The following ZNF469 variants were observed in gnomAD, a reference collection of about 807,000 sequenced individuals.
ZNF469 encodes the protein zinc finger protein 469.
In ZNF469, 1 loss-of-function variant was observed where a neutral mutation model predicts 1.0. That is an observed-to-expected ratio of 1.00 (90% CI 0.35 to 4.73). ZNF469 has a LOEUF of 4.73. Among genes scored for constraint, ZNF469 ranks in the 30% most tolerant of loss-of-function variants. The pLI is 0.16. For missense variants in ZNF469, 6,100 were observed against 5,356.3 expected (o/e 1.14, Z -4.33); for synonymous variants, 2,703 against 2,363.4 (o/e 1.14, Z -4.17).
chr16:88,332,720 G>C, the ZNF469 span, among the ~76,000 whole-genome samples: 15 of 152,174 alleles, frequency 9.9e-5, no homozygotes, highest in African/African-American at 3.6e-4. Flanking sequence ...GATGGGGGAG[G>C]GGGGGCTGCT....
At chr16:88,380,200 C>A (rs1035091039), upstream of ZNF469, among the ~76,000 whole-genome samples, 1 of 151,310 alleles carries the variant, frequency 6.6e-6, no homozygotes, top group Non-Finnish European at 1.5e-5. Context: ...CACACACAGA[C>A]ATGCACTCAC....
chr16:88,352,790 T>C, the ZNF469 span, among the ~76,000 whole-genome samples: 1 of 152,192 alleles, frequency 6.6e-6, no homozygotes, highest in Non-Finnish European at 1.5e-5. Context: ...CAGGGAGATG[T>C]GGGCATATGG....
At chr16:88,152,997 G>C in the ZNF469 span, among the ~76,000 whole-genome samples, 1 of 152,190 alleles carries the variant, frequency 6.6e-6, no homozygotes. This position sits in a 1 kb window ranked among gnomAD's most constrained non-coding sequence, Gnocchi z 4.2. Flanking sequence ...CCGTGGCTCC[G>C]GCTGGCGTCT....
At position 88,437,237 on chromosome 16, in the gene ZNF469, G is replaced by C; in HGVS notation, c.9767G>C (p.Trp3256Ser). The change falls in exon 3 of 3, where the codon TGG (tryptophan) becomes TCG (serine). Residue 3256 changes from tryptophan to serine, a missense_variant. Transcript: ENST00000565624. ...GCCGCCGGGAGCCCGGGAGACCCGTGGGGGCAAGAGGGAGAAGCCAAGAAA... is the reference window on the plus strand; with the variant it reads ...GCCGCCGGGAGCCCGGGAGACCCGTCGGGGCAAGAGGGAGAAGCCAAGAAA... ...GKAAGSPGDP[W>S]GQEGEAKKDS... The C allele has an allele frequency of 6.5e-7, 1 of 1,549,116 alleles. No homozygotes were observed.
At chr16:88,422,968 G>T (rs1242871389) in intron 1 of ZNF469, among the ~76,000 whole-genome samples, 1 of 150,062 alleles carries the variant, frequency 6.7e-6, no homozygotes, top group Non-Finnish European at 1.5e-5. Flanking sequence ...TGGATGGATG[G>T]ATTAATGGAT....
At chr16:88,293,344 G>T in the ZNF469 span, among the ~76,000 whole-genome samples, 3 of 151,752 alleles carry the variant, frequency 2.0e-5, no homozygotes, top group Non-Finnish European at 4.4e-5. Context: ...ATGGATGGAT[G>T]GATGGATGGT....
At chr16:88,148,012 C>T in the ZNF469 span, among the ~76,000 whole-genome samples, 4 of 151,508 alleles carry the variant, frequency 2.6e-5, no homozygotes, top group African/African-American at 9.7e-5. Flanking sequence ...ATTGCAGCTT[C>T]CTTCGTCGTT....
the ZNF469 span, among the ~76,000 whole-genome samples, chr16:88,152,034 T>C: frequency 1.3e-5 from 2 of 152,204 alleles, no homozygotes; most frequent in South Asian, 4.1e-4. This position sits in a 1 kb window ranked among gnomAD's most constrained non-coding sequence, Gnocchi z 4.2. Flanking sequence ...AAACGCCTGC[T>C]TCTCAGCTCT....
rs1163606966 is a variant in ZNF469, at chr16:88,428,138, C to T, written c.668C>T (p.Ser223Phe). Residue 223 changes from serine (S) to phenylalanine (F), a missense_variant, in exon 3 of 3, where the codon TCC (serine) becomes TTC (phenylalanine). Coordinates refer to ENST00000565624, the MANE Select transcript of ZNF469 (RefSeq NM_001367624.2). ...SRGTSPLQPGSYPEYQASGAD... is the reference protein window; with the variant it reads ...SRGTSPLQPGFYPEYQASGAD... Reference sequence around the variant, plus strand: ...GGCACCAGCCCCCTCCAGCCCGGTTCCTATCCCGAATACCAGGCCAGTGGG... The same window carrying T: ...GGCACCAGCCCCCTCCAGCCCGGTTTCTATCCCGAATACCAGGCCAGTGGG... 1.9e-6 allele frequency: 3 copies of T among 1,550,144 alleles called. No individual in the cohort carries two copies. The highest frequency in any genetic ancestry group is 2.6e-6 in the Non-Finnish European group (3 of 1,146,884).
At chr16:88,245,356 G>T in the ZNF469 span, among the ~76,000 whole-genome samples, 1 of 152,250 alleles carries the variant, frequency 6.6e-6, no homozygotes, top group South Asian at 2.1e-4. Flanking sequence ...ATGGTCTGCT[G>T]CTTGCTGGAG....
At chr16:88,164,421 A>G in the ZNF469 span, among the ~76,000 whole-genome samples, 1 of 151,906 alleles carries the variant, frequency 6.6e-6, no homozygotes, top group Non-Finnish European at 1.5e-5. Flanking sequence ...GGGTGGATGT[A>G]TAAGTGGGTA....
At chr16:88,251,395 G>C in the ZNF469 span, among the ~76,000 whole-genome samples, 1 of 152,120 alleles carries the variant, frequency 6.6e-6, no homozygotes. Flanking sequence ...CATGTAGAAT[G>C]TAGATGCTAT....
chr16:88,420,929 G>A (rs951254262), intron 1 of ZNF469, among the ~76,000 whole-genome samples: 1 of 151,780 alleles, frequency 6.6e-6, no homozygotes, highest in East Asian at 1.9e-4. Flanking sequence ...TTGGCCAGGA[G>A]TGAGTGGGGG....
intron 1 of ZNF469, among the ~76,000 whole-genome samples, chr16:88,398,258 A>G (rs1904747393): frequency 6.6e-6 from 1 of 152,228 alleles, no homozygotes; most frequent in Non-Finnish European, 1.5e-5. Context: ...GCAAGACACC[A>G]CAAGCCACGG....
At position 88,436,500 on chromosome 16, in the gene ZNF469, C is replaced by A. The variant is rs1906586174; in HGVS notation, c.9030C>A (p.Ser3010=). 6.5e-7 allele frequency: 1 copy of A among 1,548,440 alleles called. No homozygotes were observed. Among genetic ancestry groups the A allele is most frequent in the Non-Finnish European group, 8.7e-7 (1 of 1,146,970 alleles). Reference sequence around the variant, plus strand: ...TGCCGGCCCCTGCCGATGACTCCTCCTCTTCTCTCGGAGATGTGAGCCCCG... The same window carrying A: ...TGCCGGCCCCTGCCGATGACTCCTCATCTTCTCTCGGAGATGTGAGCCCCG... ...LEMPAPADDS[S]SSLGDVSPEP... Residue 3010 remains serine (S), a synonymous_variant, in exon 3 of 3, where the codon TCC becomes TCA. Coordinates refer to ENST00000565624, the MANE Select transcript of ZNF469 (RefSeq NM_001367624.2).
At chr16:88,131,881 GGCGCCCACCTGCCC>G in the ZNF469 span, among the ~76,000 whole-genome samples, 7 of 151,934 alleles carry the variant, frequency 4.6e-5, no homozygotes, top group Non-Finnish European at 8.8e-5. Flanking sequence ...GGTGGCTTGG[GGCGCCCACCTGCCC>G]GCGCCCACCT....
At chr16:88,185,231 A>T in the ZNF469 span, among the ~76,000 whole-genome samples, 1 of 151,696 alleles carries the variant, frequency 6.6e-6, no homozygotes, top group African/African-American at 2.4e-5. Context: ...ACATTCACAC[A>T]CGGGCACACC....
chr16:88,170,925 G>A, the ZNF469 span, among the ~76,000 whole-genome samples: 1 of 152,156 alleles, frequency 6.6e-6, no homozygotes, highest in Non-Finnish European at 1.5e-5. This position sits in a 1 kb window ranked among gnomAD's most constrained non-coding sequence, Gnocchi z 4.2. Flanking sequence ...GGTAGCGGGG[G>A]ACAGCAGACT....
chr16:88,325,870 G>T, the ZNF469 span, among the ~76,000 whole-genome samples: 1 of 152,322 alleles, frequency 6.6e-6, no homozygotes, highest in Admixed American at 6.5e-5. Context: ...AGAAGGATCG[G>T]TGCTCTGCCC....
Sources: gnomAD v4.1 joint callset for allele counts (sites outside exome capture counted in the v4.1 genomes callset) on GRCh38, gnomAD v4.1.1 for gene constraint, Gnocchi (gnomAD v3.1) non-coding constraint, MANE v1.5 for transcripts, NCBI Gene and HGNC (gene_info 2026-07-23, HGNC 2026-07-21) for gene names.